The following MLLT3 variants were observed in gnomAD, a reference collection of about 807,000 sequenced individuals.
MLLT3 encodes the protein MLLT3 super elongation complex subunit.
MLLT3 carries 4 observed loss-of-function variants against 53.2 expected under a neutral mutation model. The ratio of observed to expected loss-of-function variants is 0.08; its 90% confidence interval spans 0.04 to 0.17. MLLT3 has a LOEUF of 0.17. MLLT3 is among the 10% of genes least tolerant of loss of function. MLLT3 has a pLI of 1.00. For synonymous variants in MLLT3, 283 were observed against 230.6 expected, an observed-to-expected ratio of 1.23 and a Z score of -2.06; for missense variants, 569 against 684.0, an observed-to-expected ratio of 0.83 and a Z score of 1.87.
At chr9:20,435,655 G>A (rs1009767389) in intron 4 of MLLT3, among the ~76,000 whole-genome samples, 1 of 152,160 alleles carries the variant, frequency 6.6e-6, no homozygotes, top group African/African-American at 2.4e-5. Context: ...AGTGGGAGGT[G>A]TAAGGATGGT....
chr9:20,374,891 A>G (rs1012005813), intron 5 of MLLT3, among the ~76,000 whole-genome samples: 3 of 152,196 alleles, frequency 2.0e-5, no homozygotes, highest in Non-Finnish European at 4.4e-5. Context: ...GTATTTGAAG[A>G]TGGGACCTTT....
intron 2 of MLLT3, among the ~76,000 whole-genome samples, chr9:20,467,883 T>G (rs565020923): frequency 1.3e-5 from 2 of 152,374 alleles, no homozygotes; most frequent in South Asian, 2.1e-4. Flanking sequence ...AATTGGCAGG[T>G]GTTTTCCTCA....
intron 5 of MLLT3, among the ~76,000 whole-genome samples, chr9:20,412,482 G>A (rs1471191920): frequency 1.3e-5 from 2 of 149,118 alleles, no homozygotes; most frequent in Non-Finnish European, 2.9e-5. Flanking sequence ...GAGATCTGTG[G>A]ACCACTGGGG....
intron 2 of MLLT3, among the ~76,000 whole-genome samples, chr9:20,472,355 G>A (rs760249180): frequency 3.3e-5 from 5 of 151,878 alleles, no homozygotes; most frequent in Non-Finnish European, 5.9e-5. Context: ...ATGTGTTGCC[G>A]GCCATTCACT....
chr9:20,483,567 C>T (rs916187547), intron 2 of MLLT3, among the ~76,000 whole-genome samples: 4 of 151,510 alleles, frequency 2.6e-5, no homozygotes, highest in Non-Finnish European at 4.4e-5. Context: ...AAAATATGTG[C>T]ACCTAATTTT....
At chr9:20,360,698 C>T (rs1215225916) in intron 8 of MLLT3, 44 bp downstream of exon 8, 1 of 1,465,458 alleles carries the variant, frequency 6.8e-7, no homozygotes, top group Non-Finnish European at 9.6e-7. Flanking sequence ...AATGATTACA[C>T]CTAGCTCTGC....
intron 8 of MLLT3, among the ~76,000 whole-genome samples, chr9:20,355,640 T>C (rs1821154317): frequency 6.6e-6 from 1 of 152,238 alleles, no homozygotes. Flanking sequence ...GGAAGTATTT[T>C]TAAATGGTCC....
chr9:20,602,761 TACACACACACACACACACACACAC>T (rs3086486), intron 2 of MLLT3, among the ~76,000 whole-genome samples: 6 of 147,184 alleles, frequency 4.1e-5, no homozygotes, highest in Non-Finnish European at 9.0e-5. Flanking sequence ...TTAAGTTTGA[TACACACACACACACACACACACAC>T]ACACACACAC....
intron 2 of MLLT3, among the ~76,000 whole-genome samples, chr9:20,563,276 T>C (rs900574531): frequency 1.4e-5 from 2 of 140,256 alleles, no homozygotes; most frequent in African/African-American, 5.0e-5. Flanking sequence ...TGGAATCTGA[T>C]CTGCTAATAT....
intron 5 of MLLT3, among the ~76,000 whole-genome samples, chr9:20,380,576 G>A (rs916227710): frequency 2.6e-5 from 4 of 152,022 alleles, no homozygotes; most frequent in African/African-American, 7.2e-5. Flanking sequence ...TTCAAATATG[G>A]ATGCTTTTAA....
At chr9:20,411,901 C>G (rs1822738059) in intron 5 of MLLT3, 1 of 152,124 alleles carries the variant, frequency 6.6e-6, no homozygotes, top group Non-Finnish European at 1.5e-5. Context: ...CATAAATCGG[C>G]AAACATTCTA....
At position 20,400,189 on chromosome 9, in the gene MLLT3, T is replaced by G. The variant is rs536696047; in HGVS notation, c.1125+13532A>C. Reference sequence around the variant, plus strand: ...TGACCATGATTCTAACTTTGACTATTGACTTACAGAAAATACACCATGAAG... The same window carrying G: ...TGACCATGATTCTAACTTTGACTATGGACTTACAGAAAATACACCATGAAG... On this transcript the variant is annotated intron_variant, in intron 5 of 10. Coordinates refer to ENST00000380338, the MANE Select transcript of MLLT3 (RefSeq NM_004529.4). 1.6e-3 allele frequency among the ~76,000 whole-genome samples: 241 copies of G among 152,254 alleles called. 3 individuals carry two copies. Among genetic ancestry groups the G allele is most frequent in the Non-Finnish European group, 2.5e-4 (17 of 68,000 alleles).
intron 2 of MLLT3, among the ~76,000 whole-genome samples, chr9:20,614,036 C>T (rs1412423484): frequency 6.6e-6 from 1 of 152,114 alleles, no homozygotes; most frequent in Non-Finnish European, 1.5e-5. Context: ...AAAAATCCAA[C>T]AATTTTAAAA....
chr9:20,583,915 T>C (rs572930231), intron 2 of MLLT3, among the ~76,000 whole-genome samples: 2 of 152,326 alleles, frequency 1.3e-5, no homozygotes, highest in Non-Finnish European at 2.9e-5. Flanking sequence ...TTGCTACTTA[T>C]GCAAATTTCT....
chr9:20,603,883 T>A (rs779827077), intron 2 of MLLT3, among the ~76,000 whole-genome samples: 1 of 152,084 alleles, frequency 6.6e-6, no homozygotes, highest in Non-Finnish European at 1.5e-5. Context: ...TACTGAAATT[T>A]ATCTTGAGAG....
At position 20,502,097 on chromosome 9, in the gene MLLT3, G is replaced by T. The variant is rs888387571; in HGVS notation, c.194-45311C>A. Among the ~76,000 whole-genome samples, 23 of 134,580 alleles carry T rather than the reference G, an allele frequency of 1.7e-4. 1 individual carries two copies. The highest frequency in any genetic ancestry group is 1.2e-3 in the Admixed American group (16 of 13,488). 88.3% of individuals were successfully genotyped at this position (134,580 alleles called of 152,430 possible). ...ACTCCATCTCAAAAAAAAAAAAGGG[G>T]GGGGGGGGGACTACCTTTTAAGGAA... On this transcript the variant is annotated intron_variant, in intron 2 of 10. Coordinates refer to ENST00000380338, the MANE Select transcript of MLLT3 (RefSeq NM_004529.4).
At chr9:20,372,655 G>T (rs182545941) in intron 5 of MLLT3, among the ~76,000 whole-genome samples, 2,088 of 135,812 alleles carry the variant, frequency 0.015, 33 homozygotes, top group Non-Finnish European at 0.02. Flanking sequence ...TGATCCACCC[G>T]CCTTGGCCTC....
intron 2 of MLLT3, among the ~76,000 whole-genome samples, chr9:20,600,221 T>G (rs1361495648): frequency 6.6e-6 from 1 of 152,132 alleles, no homozygotes; most frequent in African/African-American, 2.4e-5. Flanking sequence ...CACAGCTTCA[T>G]TTTTCATAGC....
chr9:20,548,014 G>A (rs1010282254), intron 2 of MLLT3, among the ~76,000 whole-genome samples: 6 of 152,190 alleles, frequency 3.9e-5, no homozygotes, highest in African/African-American at 1.4e-4. Context: ...CAATTCAGAT[G>A]CTAAATTTTC....
Sources: allele counts gnomAD v4.1 joint callset (sites outside exome capture counted in the v4.1 genomes callset), GRCh38; gene constraint gnomAD v4.1.1; transcripts MANE v1.5; gene names NCBI Gene and HGNC (gene_info 2026-07-23, HGNC 2026-07-21).